RTCB: variants seen among roughly 807,000 people sequenced by gnomAD.
RTCB encodes the protein RNA-splicing ligase RTCB.
A neutral mutation model predicts 58.2 loss-of-function variants in RTCB; 32 were observed. The ratio of observed to expected loss-of-function variants is 0.55; its 90% CI spans 0.41 to 0.74. RTCB has a LOEUF of 0.74. Among genes scored for constraint, RTCB ranks in the 30% least tolerant of loss-of-function variants. The probability of loss-of-function intolerance (pLI) is 0.00; values close to 1 mark genes in which losing one functional copy is unlikely to be tolerated. For synonymous variants in RTCB, 247 were observed against 218.6 expected (o/e 1.13, Z -1.15); for missense variants, 523 against 639.0 (o/e 0.82, Z 1.96).
At chr22:32,401,663 C>T in intron 5 of RTCB, 84 bp downstream of exon 5, 1 of 1,431,154 alleles carries the variant, frequency 7.0e-7, no homozygotes, top group Non-Finnish European at 9.6e-7. Flanking sequence ...CCTCATCTCT[C>T]AAGTGTACTG....
chr22:32,397,997 T>C lies in RTCB; in HGVS notation c.758A>G (p.Gln253Arg). 6.2e-7 allele frequency: 1 copy of C among 1,614,176 alleles called. No individual in the cohort carries two copies. Among genetic ancestry groups the C allele is most frequent in the Non-Finnish European group, 8.5e-7 (1 of 1,180,038 alleles). Residue 253 changes from glutamine to arginine, a missense_variant, in exon 7 of 12, where the codon CAG becomes CGG. By Grantham distance (43) the Gln-to-Arg change is conservative. Coordinates refer to ENST00000216038, the MANE Select transcript of RTCB (RefSeq NM_014306.5). ...AKKMGIDHKG[Q>R]VCVMIHSGSR... Reference sequence around the variant, plus strand: ...TCCACTGTGGATCATCACACACACCTGTCCCTTATGGTCGATGCCCATTTT... The same window carrying C: ...TCCACTGTGGATCATCACACACACCCGTCCCTTATGGTCGATGCCCATTTT...
At chr22:32,390,727 C>T (rs1453270062) in intron 11 of RTCB, among the ~76,000 whole-genome samples, 1 of 152,176 alleles carries the variant, frequency 6.6e-6, no homozygotes, top group Non-Finnish European at 1.5e-5. Context: ...GGATTACAGG[C>T]CTGAGCCACT....
intron 9 of RTCB, 23 bp from the exon 10 acceptor site, chr22:32,394,025 CAT>C: frequency 1.3e-6 from 2 of 1,517,270 alleles, no homozygotes; most frequent in South Asian, 1.1e-5. Flanking sequence ...ATAAATCAAA[CAT>C]GTTAAAATTC....
chr22:32,408,911 G>A (rs1166087658), intron 1 of RTCB, 78 bp from the exon 2 acceptor site: 3 of 988,852 alleles, frequency 3.0e-6, no homozygotes, highest in South Asian at 1.3e-5. Flanking sequence ...TGCACTGTAT[G>A]CAATATTTAC....
chr22:32,394,401 A>G (rs765563075), intron 9 of RTCB, among the ~76,000 whole-genome samples: 13 of 151,820 alleles, frequency 8.6e-5, no homozygotes, highest in South Asian at 2.1e-4. Flanking sequence ...GTAAGCCACC[A>G]CACCCGGCCG....
chr22:32,388,201 A>G (rs1275519318), intron 11 of RTCB, 102 bp from the exon 12 acceptor site: 2 of 684,070 alleles, frequency 2.9e-6, no homozygotes, highest in Admixed American at 5.7e-5. Context: ...CTAAAATAAT[A>G]CAGAGAGTTT....
At position 32,387,901 on chromosome 22, in the gene RTCB, C is replaced by T; in HGVS notation, c.*91G>A. On this transcript the variant is annotated 3_prime_UTR_variant, in exon 12 of 12. Transcript: ENST00000216038. ...TACAGCTGCACACTTTGCAACTTGT[C>T]CCGCCTTGAGTCTGATGTCAGAAGA... 2.3e-6 allele frequency: 2 copies of T among 857,238 alleles called. No individual in the cohort carries two copies. The highest frequency in any genetic ancestry group is 3.3e-5 in the African/African-American group (2 of 60,734). The allele number at this position is 857,238 out of a possible 1,614,324, so 53.1% of individuals were successfully genotyped here.
At chr22:32,408,499 C>A (rs1029993724) in intron 2 of RTCB, among the ~76,000 whole-genome samples, 5 of 152,198 alleles carry the variant, frequency 3.3e-5, no homozygotes, top group Admixed American at 6.5e-5. Context: ...TGGTAGGTCA[C>A]TTGCTATTAT....
chr22:32,401,112 T>C (rs1242841733), intron 5 of RTCB, among the ~76,000 whole-genome samples: 1 of 145,806 alleles, frequency 6.9e-6, no homozygotes, highest in Non-Finnish European at 1.5e-5. Flanking sequence ...TTTTTTTTAA[T>C]TGAGACAGGG....
At chr22:32,388,308 G>A (rs1473095777) in intron 11 of RTCB, among the ~76,000 whole-genome samples, 1 of 146,286 alleles carries the variant, frequency 6.8e-6, no homozygotes, top group African/African-American at 2.5e-5. Flanking sequence ...TTTTTTTTCT[G>A]TATTTTTCAA....
rs538885159 is a variant in RTCB, at chr22:32,394,273, A to G, written c.1180-271T>C. 2.0e-5 allele frequency among the ~76,000 whole-genome samples: 3 copies of G among 152,040 alleles called. No homozygotes were observed. The South Asian group carries it at 6.2e-4, about 32-fold the overall frequency. On this transcript the variant is annotated intron_variant, in intron 9 of 11. Transcript: ENST00000216038. Reference sequence around the variant, plus strand: ...ACCACAGGCGCCTGCTGCCATGCCCAGCTAATTTTTTGTATTTTTAGTAGA... The same window carrying G: ...ACCACAGGCGCCTGCTGCCATGCCCGGCTAATTTTTTGTATTTTTAGTAGA...
intron 10 of RTCB, among the ~76,000 whole-genome samples, 198 bp downstream of exon 10, chr22:32,393,694 T>C (rs1297061410): frequency 1.3e-5 from 2 of 152,196 alleles, no homozygotes; most frequent in African/African-American, 4.8e-5. Context: ...CTACCAGATC[T>C]CACTGAGGCA....
At chr22:32,390,778 G>A (rs1933142708) in intron 11 of RTCB, among the ~76,000 whole-genome samples, 2 of 152,070 alleles carry the variant, frequency 1.3e-5, no homozygotes, top group South Asian at 2.1e-4. Context: ...AATTAACCAT[G>A]TATTCTTAAG....
At chr22:32,398,625 A>T (rs1034019784) in intron 6 of RTCB, among the ~76,000 whole-genome samples, 31 of 152,270 alleles carry the variant, frequency 2.0e-4, no homozygotes, top group East Asian at 1.9e-3. Context: ...TTAATTTTTT[A>T]AAAAAAGCTT....
rs1161935753 is a variant in RTCB at position 32,412,133 on chromosome 22, C to T, written c.24G>A (p.Glu8=). MSRSYND[E]LQFLEKINKN... is the part of the protein sequence containing the mutation. ...TATTGATCTTCTCCAAGAACTGCAGCTCATCATTATAGCTGCGACTCATGG... is the reference window on the plus strand; with the variant it reads ...TATTGATCTTCTCCAAGAACTGCAGTTCATCATTATAGCTGCGACTCATGG... Residue 8 remains glutamate, a synonymous_variant, in exon 1 of 12, where the codon GAG becomes GAA. Transcript: ENST00000216038. 3 of 1,605,154 alleles carry T rather than the reference C, an allele frequency of 1.9e-6. No individual in the cohort carries two copies. Among genetic ancestry groups the T allele is most frequent in the East Asian group, 4.5e-5 (2 of 44,036 alleles).
At chr22:32,406,822 T>G in intron 3 of RTCB, 61 bp from the exon 4 acceptor site, 1 of 1,131,890 alleles carries the variant, frequency 8.8e-7, no homozygotes, top group Non-Finnish European at 1.3e-6. Flanking sequence ...GATGCCCTGA[T>G]GGACCTGACA....
At chr22:32,395,985 C>A in intron 8 of RTCB, 89 bp downstream of exon 8, 2 of 1,340,614 alleles carry the variant, frequency 1.5e-6, no homozygotes, top group Non-Finnish European at 2.1e-6. Flanking sequence ...CAGGCATGAG[C>A]CACCGTGTCC....
At chr22:32,409,909 C>T (rs1272881261) in intron 1 of RTCB, among the ~76,000 whole-genome samples, 1 of 151,928 alleles carries the variant, frequency 6.6e-6, no homozygotes, top group African/African-American at 2.4e-5. Context: ...GCTCTGCCTC[C>T]TGGGTTCACG....
chr22:32,396,982 C>T (rs910305300), intron 7 of RTCB, among the ~76,000 whole-genome samples: 7 of 152,164 alleles, frequency 4.6e-5, no homozygotes, highest in African/African-American at 1.7e-4. Flanking sequence ...GCCCCAGGCA[C>T]AAGTGTTTCT....
Sources: gnomAD v4.1 joint callset for allele counts (sites outside exome capture counted in the v4.1 genomes callset) on GRCh38, gnomAD v4.1.1 for gene constraint, MANE v1.5 for transcripts, NCBI Gene and HGNC (gene_info 2026-07-23, HGNC 2026-07-21) for gene names.